Variants in TMEM41B observed in about 807,000 individuals in gnomAD.
The protein encoded by TMEM41B is transmembrane protein 41B, also known as protein stasimon.
In TMEM41B, 18 loss-of-function variants were observed where a neutral mutation model predicts 31.9. The ratio of observed to expected loss-of-function variants is 0.56; its 90% CI spans 0.39 to 0.84. TMEM41B has a LOEUF of 0.84. TMEM41B is among the 40% of genes least tolerant of loss of function. The pLI is 0.00. For synonymous variants in TMEM41B, 144 were observed against 124.3 expected (o/e 1.16, Z -1.05); for missense variants, 322 against 348.0 (o/e 0.93, Z 0.59).
intron 5 of TMEM41B, among the ~76,000 whole-genome samples, chr11:9,286,801 A>T (rs577470673): frequency 1.3e-4 from 19 of 151,936 alleles, no homozygotes; most frequent in African/African-American, 4.6e-4. Context: ...GGAGTTCGAG[A>T]ACAGCCTGGC....
chr11:9,299,949 G>A (rs569459694), intron 1 of TMEM41B, among the ~76,000 whole-genome samples: 95 of 152,004 alleles, frequency 6.2e-4, no homozygotes, highest in African/African-American at 2.1e-3. Flanking sequence ...GAGAAACTCC[G>A]TCTCTACTAA....
intron 1 of TMEM41B, among the ~76,000 whole-genome samples, chr11:9,308,975 G>T (rs1279978346): frequency 6.6e-6 from 1 of 152,066 alleles, no homozygotes; most frequent in Non-Finnish European, 1.5e-5. Context: ...CTGGCCGGGC[G>T]TGGGGCTAAC....
chr11:9,288,633 A>G, intron 3 of TMEM41B, 98 bp from the exon 4 acceptor site: 1 of 820,368 alleles, frequency 1.2e-6, no homozygotes, highest in Non-Finnish European at 1.9e-6. Flanking sequence ...AAAAATTATC[A>G]TACAATGAGA....
chr11:9,285,726 G>C (rs1167395009), intron 6 of TMEM41B, among the ~76,000 whole-genome samples: 3 of 151,412 alleles, frequency 2.0e-5, no homozygotes, highest in Admixed American at 6.6e-5. Context: ...AGGAAAAATA[G>C]GATCAATTCT....
Position 9,283,048 on chromosome 11 carries a change from T to A in TMEM41B, c.*376A>T, listed in dbSNP as rs1345556240. On this transcript the variant is annotated 3_prime_UTR_variant, in exon 7 of 7. Transcript: ENST00000528080. ...ATTAACAAAACCTGCAACACTACTTTAAAAAATCTAGAATTTAAAAATATC... is the reference window on the plus strand; with the variant it reads ...ATTAACAAAACCTGCAACACTACTTAAAAAAATCTAGAATTTAAAAATATC... 1 of 152,968 alleles carries A rather than the reference T, an allele frequency of 6.5e-6. No individual in the cohort carries two copies. Among genetic ancestry groups the A allele is most frequent in the Non-Finnish European group, 1.5e-5 (1 of 68,754 alleles). The allele number at this position is 152,968 out of a possible 1,614,324, so 9.5% of individuals were successfully genotyped here.
At position 9,281,446 on chromosome 11, in the gene TMEM41B, T is replaced by C. The variant is rs756257146; in HGVS notation, c.*1978A>G. 5.3e-5 allele frequency: 8 copies of C among 152,216 alleles called. No individual in the cohort carries two copies. Among genetic ancestry groups the C allele is most frequent in the Non-Finnish European group, 1.0e-4 (7 of 68,038 alleles). 9.4% of individuals were successfully genotyped at this position (152,216 alleles called of 1,614,324 possible). A position where few individuals can be genotyped will look rare whatever the true frequency, so the allele number is the denominator to read the frequency against. ...TACAATAAAATCCATCTGTTAACAC[T>C]GTGATAGAAAAAATAATCAGTCCAC... On this transcript the variant is annotated 3_prime_UTR_variant, in exon 7 of 7. Transcript: ENST00000528080.
At chr11:9,285,869 C>A (rs1221575112) in intron 6 of TMEM41B, among the ~76,000 whole-genome samples, 1 of 151,314 alleles carries the variant, frequency 6.6e-6, no homozygotes, top group Non-Finnish European at 1.5e-5. Context: ...ATAATCCCAG[C>A]ACTTTGGGAG....
intron 2 of TMEM41B, among the ~76,000 whole-genome samples, 170 bp from the exon 3 acceptor site, chr11:9,295,557 T>C (rs1297549850): frequency 2.6e-5 from 4 of 152,320 alleles, no homozygotes; most frequent in South Asian, 2.1e-4. Context: ...TTTTGAGACA[T>C]AGAGTCTTGC....
chr11:9,294,628 A>T (rs892136093), intron 3 of TMEM41B, among the ~76,000 whole-genome samples: 3 of 152,194 alleles, frequency 2.0e-5, no homozygotes, highest in African/African-American at 7.2e-5. Context: ...CAGAAATGAA[A>T]ATTAAACTCC....
At chr11:9,287,564 G>A in intron 5 of TMEM41B, 138 bp downstream of exon 5, 1 of 562,852 alleles carries the variant, frequency 1.8e-6, no homozygotes, top group Non-Finnish European at 3.0e-6. Flanking sequence ...TTGGTCAGAA[G>A]ATAATTCTTA....
chr11:9,284,857 A>T (rs1590369739), intron 6 of TMEM41B, among the ~76,000 whole-genome samples: 1 of 152,288 alleles, frequency 6.6e-6, no homozygotes, highest in Non-Finnish European at 1.5e-5. Flanking sequence ...TGTATACAAA[A>T]GTACATAGAG....
At chr11:9,299,857 C>T (rs988657832) in intron 1 of TMEM41B, among the ~76,000 whole-genome samples, 156 bp from the exon 2 acceptor site, 6 of 152,112 alleles carry the variant, frequency 3.9e-5, no homozygotes, top group Admixed American at 1.3e-4. Flanking sequence ...CAGTGACTCA[C>T]GCCTGTAATC....
chr11:9,313,662 C>G (rs554181584), intron 1 of TMEM41B, among the ~76,000 whole-genome samples: 1 of 152,308 alleles, frequency 6.6e-6, no homozygotes, highest in Non-Finnish European at 1.5e-5. Context: ...TTAGCTGTAA[C>G]TAAGTAATTG....
In TMEM41B at chr11:9,280,840, C is replaced by G. The variant is rs964931268; in HGVS notation, c.*2584G>C. On this transcript the variant is annotated 3_prime_UTR_variant, in exon 7 of 7. Coordinates refer to ENST00000528080, the MANE Select transcript of TMEM41B (RefSeq NM_015012.4). ...TTGCCTCCGCACCACAGATGCTTGT[C>G]TTCTTGTGGTTGTTACCACAAGCCA... is the stretch of plus-strand genomic sequence containing the variant. 2 of 152,204 alleles carry G rather than the reference C, an allele frequency of 1.3e-5. No homozygotes were observed. The highest frequency in any genetic ancestry group is 2.9e-5 in the Non-Finnish European group (2 of 68,040). The allele number at this position is 152,204 out of a possible 1,614,324, so 9.4% of individuals were successfully genotyped here. A position where few individuals can be genotyped will look rare whatever the true frequency, so the allele number is the denominator to read the frequency against.
intron 3 of TMEM41B, among the ~76,000 whole-genome samples, chr11:9,289,536 TTC>T (rs1184579264): frequency 3.3e-5 from 5 of 152,104 alleles, no homozygotes; most frequent in Non-Finnish European, 5.9e-5. Context: ...TTCAACTCTG[TTC>T]TCTTTCACAG....
intron 2 of TMEM41B, among the ~76,000 whole-genome samples, chr11:9,298,127 G>A (rs1853145515): frequency 1.4e-5 from 2 of 147,490 alleles, no homozygotes; most frequent in African/African-American, 5.0e-5. Context: ...AAGATACCCA[G>A]TAAACTAAAG....
At chr11:9,305,277 T>C (rs1233812114) in intron 1 of TMEM41B, among the ~76,000 whole-genome samples, 3 of 152,256 alleles carry the variant, frequency 2.0e-5, no homozygotes, top group Admixed American at 6.5e-5. Flanking sequence ...AAGTAGTGTA[T>C]ATTTTTTCAG....
chr11:9,288,680 A>T (rs1564960369), intron 3 of TMEM41B, 145 bp from the exon 4 acceptor site: 1 of 557,348 alleles, frequency 1.8e-6, no homozygotes, highest in South Asian at 3.1e-5. Context: ...TTGACCATTT[A>T]CTAAACAGTA....
intron 6 of TMEM41B, among the ~76,000 whole-genome samples, chr11:9,284,183 C>T (rs914580010): frequency 6.6e-6 from 1 of 151,966 alleles, no homozygotes; most frequent in Admixed American, 6.6e-5. Flanking sequence ...TTGACTCTAT[C>T]GCACAGGCTT....
Sources: gnomAD v4.1 joint callset for allele counts (sites outside exome capture counted in the v4.1 genomes callset) on GRCh38, gnomAD v4.1.1 for gene constraint, MANE v1.5 for transcripts, NCBI Gene and HGNC (gene_info 2026-07-23, HGNC 2026-07-21) for gene names.